The following INO80 variants were observed in gnomAD, a reference collection of about 807,000 sequenced individuals.
INO80 encodes chromatin-remodeling ATPase INO80.
Under a neutral mutation model 203.4 loss-of-function variants are expected in INO80, and 20 were observed. The ratio of observed to expected loss-of-function variants is 0.10; its 90% confidence interval spans 0.07 to 0.14. The LOEUF (loss-of-function observed/expected upper bound fraction) is 0.14. Among genes scored for constraint, INO80 ranks in the 10% least tolerant of loss-of-function variants. The pLI is 1.00. For synonymous variants in INO80, 726 were observed against 685.2 expected (o/e 1.06, Z -0.93); for missense variants, 1,419 against 1,914.4 (o/e 0.74, Z 4.83).
At chr15:41,000,015 T>C (rs926521650) in intron 28 of INO80, among the ~76,000 whole-genome samples, 73 of 152,226 alleles carry the variant, frequency 4.8e-4, no homozygotes, top group African/African-American at 1.7e-3. Flanking sequence ...GCAGGATCAT[T>C]TGAGCCCGAG....
chr15:41,074,755 T>C (rs1379972677), intron 9 of INO80, among the ~76,000 whole-genome samples, 190 bp from the exon 10 acceptor site: 2 of 152,174 alleles, frequency 1.3e-5, no homozygotes, highest in African/African-American at 4.8e-5. Context: ...AAATTTCTTT[T>C]CCTTTTTCAG....
intron 14 of INO80, among the ~76,000 whole-genome samples, chr15:41,068,469 A>G (rs1026212448): frequency 5.8e-4 from 88 of 151,570 alleles, no homozygotes; most frequent in African/African-American, 1.9e-3. Flanking sequence ...GCTGAGGCAG[A>G]AGAATCACTT....
intron 25 of INO80, chr15:41,024,526 C>T (rs911909453): frequency 1.3e-5 from 2 of 152,248 alleles, no homozygotes; most frequent in Non-Finnish European, 2.9e-5. Context: ...TCTGAAACTA[C>T]AGTACCTTCA....
At chr15:41,090,868 A>C (rs1281416244) in intron 5 of INO80, among the ~76,000 whole-genome samples, 1 of 151,696 alleles carries the variant, frequency 6.6e-6, no homozygotes, top group Non-Finnish European at 1.5e-5. Flanking sequence ...CTTTTAGTCT[A>C]GTACATCCGA....
At position 41,074,500 on chromosome 15, in the gene INO80, C is replaced by T. The variant is rs372733521; in HGVS notation, c.1197G>A (p.Met399Ile). Reference sequence around the variant, plus strand: ...CATGACCCATATCTCGTTTGCGACTCATGAAATGGGCATACAACTCTGTCT... The same window carrying T: ...CATGACCCATATCTCGTTTGCGACTTATGAAATGGGCATACAACTCTGTCT... ...ITQTELYAHF[M>I]SRKRDMGHDG... The change falls in exon 10 of 36, where the codon ATG becomes ATA. Residue 399 changes from methionine (M) to isoleucine (I), a missense_variant. Physicochemically the swap from Met to Ile is conservative, Grantham distance 10 (BLOSUM62 1). Transcript: ENST00000648947. The T allele has an allele frequency of 2.5e-6, 4 of 1,613,814 alleles. No individual in the cohort carries two copies. The highest frequency in any genetic ancestry group is 1.3e-5 in the African/African-American group (1 of 74,856).
In INO80 at chr15:41,066,437, A is replaced by G. The variant is rs558949504; in HGVS notation, c.1782+3133T>C. Among the ~76,000 whole-genome samples the G allele has an allele frequency of 2.6e-5, 4 of 152,230 alleles. No homozygotes were observed. The South Asian group carries it at 8.3e-4, about 32-fold the overall frequency. ...CTCCCAAAGTACTGGGATTACAGGCATGACCCACCAGGCCCAGCCCATTTT... is the reference window on the plus strand; with the variant it reads ...CTCCCAAAGTACTGGGATTACAGGCGTGACCCACCAGGCCCAGCCCATTTT... On this transcript the variant is annotated intron_variant, in intron 14 of 35. Coordinates refer to ENST00000648947, the MANE Select transcript of INO80 (RefSeq NM_017553.3).
intron 24 of INO80, among the ~76,000 whole-genome samples, chr15:41,035,902 G>C (rs1485812006): frequency 6.7e-6 from 1 of 150,156 alleles, no homozygotes; most frequent in African/African-American, 2.4e-5. Context: ...GCCAAGGTGG[G>C]CAGATCACTT....
At position 41,074,468 on chromosome 15, in the gene INO80, A is replaced by G; in HGVS notation, c.1229T>C (p.Ile410Thr). ...SRKRDMGHDG[I>T]QEEILRKLED... ...CAGTTTCCTTAGGATTTCTTCCTGG[A>G]TACCATCATGACCCATATCTCGTTT... The change falls in exon 10 of 36, where the codon ATC becomes ACC. Residue 410 changes from isoleucine (I) to threonine (T), a missense_variant. Physicochemically the swap from Ile to Thr is moderately conservative, Grantham distance 89. Around this residue, in one of 9 missense-constraint regions of INO80, gnomAD observed 116 missense variants for 119.5 expected, o/e 0.97. Coordinates refer to ENST00000648947, the MANE Select transcript of INO80 (RefSeq NM_017553.3). 1 of 1,613,914 alleles carries G rather than the reference A, an allele frequency of 6.2e-7. No individual in the cohort carries two copies. The highest frequency in any genetic ancestry group is 2.2e-5 in the East Asian group (1 of 44,874).
At chr15:41,109,217 G>T (rs2045924851) in intron 1 of INO80, 1 of 152,352 alleles carries the variant, frequency 6.6e-6, no homozygotes. Flanking sequence ...ACTTTGGGAG[G>T]CTGAGGCAGG....
chr15:41,055,675 C>T (rs73401698), intron 17 of INO80, among the ~76,000 whole-genome samples: 11,206 of 152,192 alleles, frequency 0.074, 1,193 homozygotes, highest in African/African-American at 0.24. Flanking sequence ...AAAATCTATT[C>T]CATAATTGAA....
intron 18 of INO80, among the ~76,000 whole-genome samples, chr15:41,054,646 A>G (rs1301255637): frequency 2.6e-5 from 4 of 152,036 alleles, no homozygotes; most frequent in African/African-American, 9.7e-5. Flanking sequence ...ATTAAATATG[A>G]ATTTTCTTTT....
chr15:41,079,017 C>T (rs1433005192), intron 9 of INO80, among the ~76,000 whole-genome samples: 3 of 152,110 alleles, frequency 2.0e-5, no homozygotes, highest in African/African-American at 4.8e-5. Context: ...TGGTGGGTGC[C>T]TATAGTCCCA....
At chr15:41,068,973 T>C (rs538806071) in intron 14 of INO80, among the ~76,000 whole-genome samples, 67 of 152,332 alleles carry the variant, frequency 4.4e-4, no homozygotes, top group Non-Finnish European at 8.5e-4. Context: ...ATGGTATGAT[T>C]TGTCAAAAAT....
At chr15:40,991,687 G>C (rs143551814) in intron 29 of INO80, among the ~76,000 whole-genome samples, 2 of 152,046 alleles carry the variant, frequency 1.3e-5, no homozygotes, top group African/African-American at 4.8e-5. Context: ...AGAGGTGAGA[G>C]TTACCATGCG....
At chr15:41,007,182 C>CTTTTTTTTTTTTT (rs11330780) in intron 27 of INO80, among the ~76,000 whole-genome samples, 3 of 119,312 alleles carry the variant, frequency 2.5e-5, no homozygotes, top group Non-Finnish European at 3.4e-5. Context: ...TTTTTTTTTT[C>CTTTTTTTTTTTTT]TTTTTTTTTT....
intron 23 of INO80, 111 bp downstream of exon 23, chr15:41,047,297 T>C (rs987312949): frequency 2.7e-6 from 2 of 749,978 alleles, no homozygotes; most frequent in East Asian, 2.8e-5. Context: ...AGAAAATTAA[T>C]GACAAGTTCT....
Position 41,059,924 on chromosome 15 carries a change from C to A in INO80, c.1785G>T (p.Val595=). 6.2e-7 allele frequency: 1 copy of A among 1,605,842 alleles called. No individual in the cohort carries two copies. Among genetic ancestry groups the A allele is most frequent in the South Asian group, 1.1e-5 (1 of 90,052 alleles). The change falls in exon 15 of 36, where the codon GTG becomes GTT. Residue 595 remains valine, a splice_region_variant and synonymous_variant. Transcript: ENST00000648947. ...CATGAGGATTTCCCCAATATGGTAG[C>A]ACCTAGAAAAAGGGCCAATATATAC... is the stretch of plus-strand genomic sequence containing the variant. The part of the protein sequence containing the change: ...EFTRFVPKFK[V]LPYWGNPHDR...
At chr15:41,030,949 C>T (rs185153323) in intron 24 of INO80, among the ~76,000 whole-genome samples, 4 of 152,274 alleles carry the variant, frequency 2.6e-5, no homozygotes, top group South Asian at 2.1e-4. Context: ...GGATTACAGG[C>T]GTGAGCCACT....
rs1371073232 is a variant in INO80 at position 41,038,202 on chromosome 15, G to C, written c.2907+6702C>G. On this transcript the variant is annotated intron_variant, in intron 24 of 35. Transcript: ENST00000648947. ...GCTAGTTTTTTTTATTTTTAGTAGA[G>C]ACAGGGTTTTGCCATGTTTGCCAGG... Among the ~76,000 whole-genome samples, 6 of 151,344 alleles carry C rather than the reference G, an allele frequency of 4.0e-5. No homozygotes were observed. In the East Asian group the frequency reaches 1.2e-3, roughly 30 times the overall value.
Sources: gnomAD v4.1 joint callset for allele counts (sites outside exome capture counted in the v4.1 genomes callset) on GRCh38, gnomAD v4.1.1 for gene constraint, gnomAD v4.1.1 regional missense constraint, MANE v1.5 for transcripts, NCBI Gene and HGNC (gene_info 2026-07-23, HGNC 2026-07-21) for gene names.